Variants in PTCHD4 observed in about 807,000 individuals in gnomAD.
PTCHD4 encodes the protein patched domain-containing protein 4.
In PTCHD4, 33 loss-of-function variants were observed where a neutral mutation model predicts 58.1. The observed-to-expected ratio is 0.57, with a 90% CI of 0.43 to 0.76. PTCHD4 has a LOEUF of 0.76. Among genes scored for constraint, PTCHD4 ranks in the 30% least tolerant of loss-of-function variants. PTCHD4 has a pLI of 0.00. For synonymous variants in PTCHD4, 478 were observed against 409.6 expected (o/e 1.17, Z -2.02); for missense variants, 1,058 against 1,027.1 (o/e 1.03, Z -0.41).
chr6:48,054,528 T>C (rs1422598644), intron 3 of PTCHD4, among the ~76,000 whole-genome samples: 1 of 152,286 alleles, frequency 6.6e-6, no homozygotes, highest in East Asian at 1.9e-4. Flanking sequence ...CTACAGTTTC[T>C]ATTAGCAAGT....
chr6:48,095,544 G>T (rs1013751947), intron 1 of PTCHD4, among the ~76,000 whole-genome samples: 43 of 152,100 alleles, frequency 2.8e-4, no homozygotes, highest in Admixed American at 5.2e-4. Flanking sequence ...AATTAACCGG[G>T]TGTGGCGTGG....
intron 4 of PTCHD4, among the ~76,000 whole-genome samples, chr6:47,887,915 C>T (rs1270721784): frequency 2.0e-5 from 3 of 152,166 alleles, no homozygotes; most frequent in Non-Finnish European, 1.5e-5. Flanking sequence ...CTCTAAGCTG[C>T]TACTGCCAGG....
chr6:48,010,126 A>G (rs1762613262), intron 3 of PTCHD4, among the ~76,000 whole-genome samples: 1 of 152,234 alleles, frequency 6.6e-6, no homozygotes. Flanking sequence ...TGGTTCTCAG[A>G]ATACTGAAGC....
intron 4 of PTCHD4, among the ~76,000 whole-genome samples, chr6:47,978,105 T>TC (rs980921914): frequency 6.6e-6 from 1 of 152,032 alleles, no homozygotes; most frequent in Non-Finnish European, 1.5e-5. Flanking sequence ...CCTCATCCTT[T>TC]CCCCCCTTCT....
intron 4 of PTCHD4, among the ~76,000 whole-genome samples, chr6:48,005,538 C>T (rs1294988865): frequency 1.3e-5 from 2 of 152,228 alleles, no homozygotes; most frequent in Admixed American, 6.5e-5. Flanking sequence ...GCAAACACAA[C>T]GTATTTATGC....
chr6:47,889,504 TG>T (rs1764311165), intron 4 of PTCHD4, among the ~76,000 whole-genome samples: 2 of 152,172 alleles, frequency 1.3e-5, no homozygotes, highest in South Asian at 4.1e-4. Context: ...TTGATGGGGT[TG>T]TTTTTTTCTT....
Position 48,054,545 on chromosome 6 carries a change from G to C in PTCHD4, c.417+13685C>G, listed in dbSNP as rs145272055. Among the ~76,000 whole-genome samples, 426 of 152,104 alleles carry C rather than the reference G, an allele frequency of 2.8e-3. 1 individual carries two copies. The highest frequency in any genetic ancestry group is 0.017 in the Middle Eastern group (5 of 294). On this transcript the variant is annotated intron_variant, in intron 3 of 4. Coordinates refer to ENST00000339488, the MANE Select transcript of PTCHD4 (RefSeq NM_001384253.1). ...ACAGTTTCTATTAGCAAGTCAGAAG[G>C]TTTTACTTTCTTCCTTATGTCTGTT... is the stretch of plus-strand genomic sequence containing the variant.
chr6:47,988,492 G>A (rs900620180), intron 4 of PTCHD4, among the ~76,000 whole-genome samples: 1 of 152,160 alleles, frequency 6.6e-6, no homozygotes, highest in Non-Finnish European at 1.5e-5. Context: ...AGACTGTGCT[G>A]ATATGGTTTG....
At chr6:48,036,309 G>A (rs537898168) in intron 3 of PTCHD4, among the ~76,000 whole-genome samples, 77 of 152,216 alleles carry the variant, frequency 5.1e-4, no homozygotes, top group African/African-American at 1.4e-3. Flanking sequence ...AAAGTGCTCA[G>A]GTGAGGGAGC....
intron 4 of PTCHD4, among the ~76,000 whole-genome samples, chr6:47,989,782 C>A (rs373474260): frequency 1.3e-5 from 2 of 152,188 alleles, no homozygotes; most frequent in East Asian, 3.9e-4. Flanking sequence ...TCTGTTAGGG[C>A]AGTGCAGATT....
At chr6:48,109,346 C>A (rs966210989) in intron 1 of PTCHD4, among the ~76,000 whole-genome samples, 2 of 152,046 alleles carry the variant, frequency 1.3e-5, no homozygotes, top group Admixed American at 6.6e-5. Context: ...TTTTTAAAAT[C>A]ATCAAATTAA....
At chr6:48,055,908 T>G (rs1380134469) in intron 3 of PTCHD4, among the ~76,000 whole-genome samples, 1 of 152,188 alleles carries the variant, frequency 6.6e-6, no homozygotes, top group Non-Finnish European at 1.5e-5. Flanking sequence ...ACTCAGTTCC[T>G]GGGAAGAAGA....
At chr6:47,999,871 A>T (rs1398728269) in intron 4 of PTCHD4, among the ~76,000 whole-genome samples, 1 of 152,188 alleles carries the variant, frequency 6.6e-6, no homozygotes, top group Non-Finnish European at 1.5e-5. Context: ...TACCATAGTG[A>T]TGTTAGGAAA....
chr6:47,886,636 G>A (rs769193618), intron 4 of PTCHD4, among the ~76,000 whole-genome samples: 1 of 152,084 alleles, frequency 6.6e-6, no homozygotes, highest in Non-Finnish European at 1.5e-5. Context: ...CTAAATGAAT[G>A]AATAATGAAT....
intron 4 of PTCHD4, among the ~76,000 whole-genome samples, chr6:47,996,248 C>A (rs903065618): frequency 4.6e-5 from 7 of 152,110 alleles, no homozygotes; most frequent in African/African-American, 1.7e-4. Flanking sequence ...GCGAGCGGAT[C>A]ACTTGAGGTC....
chr6:48,069,571 G>T lies in PTCHD4; in HGVS notation c.-614C>A, dbSNP rs888839824. ...GTCCGCTGCAGCTGAGGGCTGCGGA[G>T]ACTCCATCTATCCCTGGTGCGTTGG... On this transcript the variant is annotated 5_prime_UTR_variant, in exon 2 of 5. Transcript: ENST00000339488. Among the ~76,000 whole-genome samples the T allele has an allele frequency of 1.3e-5, 2 of 152,212 alleles. No homozygotes were observed. Among genetic ancestry groups the T allele is most frequent in the South Asian group, 2.1e-4 (1 of 4,832 alleles).
intron 3 of PTCHD4, among the ~76,000 whole-genome samples, chr6:48,025,914 A>G (rs1300820399): frequency 6.6e-6 from 1 of 152,128 alleles, no homozygotes; most frequent in Non-Finnish European, 1.5e-5. Flanking sequence ...TCAATTGGAA[A>G]AATAAAGAGA....
At chr6:48,083,321 GATAGTA>G (rs1765201419) in intron 1 of PTCHD4, among the ~76,000 whole-genome samples, 2 of 151,904 alleles carry the variant, frequency 1.3e-5, no homozygotes, top group South Asian at 4.2e-4. Context: ...TAACAAAACA[GATAGTA>G]ATAGTAGAGT....
At chr6:48,105,966 C>G (rs190487192) in intron 1 of PTCHD4, among the ~76,000 whole-genome samples, 2 of 152,076 alleles carry the variant, frequency 1.3e-5, no homozygotes, top group South Asian at 2.1e-4. Context: ...TAAGAGCTTA[C>G]CAACCAAAAA....
Sources: allele counts gnomAD v4.1 joint callset (sites outside exome capture counted in the v4.1 genomes callset), GRCh38; gene constraint gnomAD v4.1.1; transcripts MANE v1.5; gene names NCBI Gene and HGNC (gene_info 2026-07-23, HGNC 2026-07-21).